FSHR: variants seen among roughly 807,000 people sequenced by gnomAD.
FSHR encodes follicle-stimulating hormone receptor.
Under a neutral mutation model 52.1 loss-of-function variants are expected in FSHR, and 46 were observed. That is an observed-to-expected ratio of 0.88 (90% CI 0.70 to 1.13). The LOEUF (loss-of-function observed/expected upper bound fraction) is 1.13, where lower values mean the gene tolerates loss of function less well. Among genes scored for constraint, FSHR ranks in the 50% most tolerant of loss-of-function variants. The pLI is 0.00. For synonymous variants in FSHR, 399 were observed against 309.6 expected, an observed-to-expected ratio of 1.29 and a Z score of -3.03; for missense variants, 964 against 834.6, an observed-to-expected ratio of 1.16 and a Z score of -1.91.
intron 1 of FSHR, among the ~76,000 whole-genome samples, chr2:49,095,979 A>C (rs1303684556): frequency 1.3e-5 from 2 of 152,200 alleles, no homozygotes; most frequent in Non-Finnish European, 2.9e-5. Flanking sequence ...AGTGTTGATG[A>C]GGATGAAGAT....
intron 8 of FSHR, among the ~76,000 whole-genome samples, chr2:48,982,572 C>T (rs1430229150): frequency 6.6e-6 from 1 of 152,248 alleles, no homozygotes; most frequent in South Asian, 2.1e-4. Flanking sequence ...ATTAACCTCT[C>T]CAGGGAAGCC....
chr2:49,103,973 G>GT (rs5831023), intron 1 of FSHR, among the ~76,000 whole-genome samples: 42,089 of 147,524 alleles, frequency 0.29, 5,941 homozygotes, highest in African/African-American at 0.31. Context: ...GGTGGGCTAT[G>GT]TTTTTTTTTT....
At chr2:49,100,239 ATGCT>A (rs1162172514) in intron 1 of FSHR, among the ~76,000 whole-genome samples, 1 of 152,172 alleles carries the variant, frequency 6.6e-6, no homozygotes, top group Non-Finnish European at 1.5e-5. Context: ...TTCTAGGAAC[ATGCT>A]TGCTCTAGCA....
At chr2:49,131,186 C>G (rs1001077760) in intron 1 of FSHR, among the ~76,000 whole-genome samples, 2 of 152,130 alleles carry the variant, frequency 1.3e-5, no homozygotes, top group Non-Finnish European at 1.5e-5. Context: ...ATTATTTATA[C>G]TCAGTCCTTT....
chr2:49,125,197 C>T (rs1408646410), intron 1 of FSHR, among the ~76,000 whole-genome samples: 1 of 152,108 alleles, frequency 6.6e-6, no homozygotes, highest in Non-Finnish European at 1.5e-5. Flanking sequence ...TTTTTAGTAG[C>T]ATACATCATC....
intron 1 of FSHR, among the ~76,000 whole-genome samples, chr2:49,083,225 A>G (rs1356241206): frequency 1.3e-5 from 2 of 149,926 alleles, no homozygotes; most frequent in Non-Finnish European, 3.0e-5. Context: ...TCAACCCAGA[A>G]TTTCATATCC....
intron 4 of FSHR, among the ~76,000 whole-genome samples, chr2:49,001,735 G>C (rs114110116): frequency 3.3e-5 from 5 of 152,100 alleles, no homozygotes; most frequent in African/African-American, 1.2e-4. Context: ...TGTCAATATT[G>C]TGTTCTGAGC....
At chr2:49,028,137 C>G (rs961440929) in intron 2 of FSHR, among the ~76,000 whole-genome samples, 1 of 152,150 alleles carries the variant, frequency 6.6e-6, no homozygotes, top group African/African-American at 2.4e-5. Context: ...TAGCCTTTGA[C>G]ATACAAGGGA....
At chr2:48,996,944 C>G (rs551280402) in intron 4 of FSHR, among the ~76,000 whole-genome samples, 2 of 152,100 alleles carry the variant, frequency 1.3e-5, no homozygotes, top group South Asian at 4.1e-4. Context: ...CTATTAATTA[C>G]AGATCCTTCT....
At chr2:49,047,498 A>G (rs1273882963) in intron 2 of FSHR, among the ~76,000 whole-genome samples, 2 of 152,248 alleles carry the variant, frequency 1.3e-5, no homozygotes. Context: ...GTATGTACAC[A>G]CAGACTTTGT....
At chr2:49,009,591 G>A (rs1351513316) in intron 4 of FSHR, among the ~76,000 whole-genome samples, 6 of 144,512 alleles carry the variant, frequency 4.2e-5, no homozygotes, top group African/African-American at 1.5e-4. Context: ...GATGGGGATG[G>A]CATTGAATCT....
intron 1 of FSHR, among the ~76,000 whole-genome samples, chr2:49,144,866 C>A (rs1672813556): frequency 6.6e-6 from 1 of 152,054 alleles, no homozygotes; most frequent in Non-Finnish European, 1.5e-5. Context: ...GCTAATATAA[C>A]CATGCCAAAT....
chr2:48,964,150 C>T (rs943297806), intron 9 of FSHR, among the ~76,000 whole-genome samples, 184 bp from the exon 10 acceptor site: 2 of 151,618 alleles, frequency 1.3e-5, no homozygotes, highest in Non-Finnish European at 2.9e-5. Flanking sequence ...ATGAATATAA[C>T]AACTTGTATA....
intron 2 of FSHR, among the ~76,000 whole-genome samples, chr2:49,036,344 C>T (rs914169052): frequency 4.6e-5 from 7 of 151,728 alleles, no homozygotes; most frequent in Admixed American, 3.9e-4. Context: ...TCCAGTTACC[C>T]TTTTTTATGT....
intron 1 of FSHR, among the ~76,000 whole-genome samples, chr2:49,099,744 C>A (rs1035547684): frequency 6.6e-6 from 1 of 152,026 alleles, no homozygotes; most frequent in Admixed American, 6.6e-5. Context: ...ACATGGAATG[C>A]CAAAGATTGC....
At chr2:49,117,521 G>T (rs1162101367) in intron 1 of FSHR, among the ~76,000 whole-genome samples, 2 of 152,170 alleles carry the variant, frequency 1.3e-5, no homozygotes, top group Admixed American at 1.3e-4. Context: ...AGCTGCTCCT[G>T]TTTATGCTGA....
intron 1 of FSHR, among the ~76,000 whole-genome samples, chr2:49,149,090 C>T (rs1672970566): frequency 6.6e-6 from 1 of 151,774 alleles, no homozygotes; most frequent in South Asian, 2.1e-4. Context: ...TTATTAGTAG[C>T]AGAAATATGA....
At position 48,990,562 on chromosome 2, in the gene FSHR, T is replaced by A; in HGVS notation, c.446+4A>T. Reference sequence around the variant, plus strand: ...GTTGGTAGTCACTCAAGGAAAAAACTTACAGTAAAACTTTTTGGAGAGAAT... The same window carrying A: ...GTTGGTAGTCACTCAAGGAAAAAACATACAGTAAAACTTTTTGGAGAGAAT... On this transcript the variant is annotated splice_donor_region_variant and intron_variant, in intron 5 of 9. Transcript: ENST00000406846. 1 of 1,598,972 alleles carries A rather than the reference T, an allele frequency of 6.3e-7. No homozygotes were observed.
At chr2:49,126,244 A>G (rs1671992268) in intron 1 of FSHR, among the ~76,000 whole-genome samples, 1 of 151,868 alleles carries the variant, frequency 6.6e-6, no homozygotes, top group Admixed American at 6.6e-5. Flanking sequence ...CATGTCTGTC[A>G]AGGGCCTTTG....
Sources: allele counts gnomAD v4.1 joint callset (sites outside exome capture counted in the v4.1 genomes callset), GRCh38; gene constraint gnomAD v4.1.1; transcripts MANE v1.5; gene names NCBI Gene and HGNC (gene_info 2026-07-23, HGNC 2026-07-21).